The following PTPRS variants were observed in gnomAD, a reference collection of about 807,000 sequenced individuals.
The protein encoded by PTPRS is receptor-type tyrosine-protein phosphatase S.
A neutral mutation model predicts 215.3 loss-of-function variants in PTPRS; 63 were observed. The ratio of observed to expected loss-of-function variants is 0.29; its 90% CI spans 0.24 to 0.36. The LOEUF is 0.36. Among genes scored for constraint, PTPRS ranks in the 10% least tolerant of loss-of-function variants. The pLI is 1.00. For synonymous variants in PTPRS, 1,404 were observed against 1,191.4 expected (o/e 1.18, Z -3.68); for missense variants, 2,258 against 2,825.8 (o/e 0.80, Z 4.56).
chr19:5,270,775 G>C (rs1599840714), intron 4 of PTPRS, among the ~76,000 whole-genome samples: 2 of 152,248 alleles, frequency 1.3e-5, no homozygotes, highest in East Asian at 3.9e-4. Flanking sequence ...GAATCCGGGA[G>C]CTAGGATGAC....
At chr19:5,220,979 G>T in intron 20 of PTPRS, 21 bp downstream of exon 20, 2 of 1,584,974 alleles carry the variant, frequency 1.3e-6, no homozygotes, top group Middle Eastern at 1.7e-4. Context: ...CAAGGAACCC[G>T]GAGCATGGGG....
chr19:5,239,104 AGAGAGAGAGAGACAGAAACAAAGGG>A, intron 12 of PTPRS, 41 bp from the exon 13 acceptor site: 3 of 1,436,744 alleles, frequency 2.1e-6, no homozygotes, highest in Admixed American at 1.9e-5. Flanking sequence ...GATGGGGGAG[AGAGAGAGAGAGACAGAAACAAAGGG>A]GAGAGAGAGA....
intron 9 of PTPRS, among the ~76,000 whole-genome samples, chr19:5,253,541 C>T (rs910113154): frequency 5.3e-5 from 8 of 152,134 alleles, no homozygotes; most frequent in Admixed American, 2.6e-4. Context: ...GGCCACAGAA[C>T]TTCCTAGGAA....
intron 11 of PTPRS, among the ~76,000 whole-genome samples, chr19:5,242,966 A>G (rs2044169465): frequency 6.6e-6 from 1 of 151,952 alleles, no homozygotes; most frequent in African/African-American, 2.4e-5. Flanking sequence ...GATTACAGAC[A>G]TGAGCCACTA....
intron 1 of PTPRS, among the ~76,000 whole-genome samples, chr19:5,328,170 G>A (rs928660551): frequency 6.6e-6 from 1 of 152,030 alleles, no homozygotes; most frequent in Non-Finnish European, 1.5e-5. Context: ...AGGCTGGAGT[G>A]CAATGGCACA....
chr19:5,271,859 G>A (rs1211851090), intron 4 of PTPRS, among the ~76,000 whole-genome samples: 2 of 151,656 alleles, frequency 1.3e-5, no homozygotes, highest in East Asian at 3.9e-4. Context: ...TGAGCAGCTG[G>A]GATTACAGGT....
Position 5,223,057 on chromosome 19 carries a change from C to T in PTPRS, c.2735G>A (p.Gly912Asp). ...GACCTCGGCTGCCTCCTCGCCCAGG[C>T]CGCCGCGGCTCCGGGCCGCAAGCCG... ...VFRLAARSRG[G>D]LGEEAAEVLS... Residue 912 changes from glycine (G) to aspartate (D), a missense_variant, in exon 18 of 38, where the codon GGC becomes GAC. Coordinates refer to ENST00000262963, the MANE Select transcript of PTPRS (RefSeq NM_002850.4). 1 of 1,550,776 alleles carries T rather than the reference C, an allele frequency of 6.4e-7. No homozygotes were observed. Among genetic ancestry groups the T allele is most frequent in the Non-Finnish European group, 8.7e-7 (1 of 1,148,656 alleles).
In PTPRS at chr19:5,257,181, G is replaced by T. The variant is rs531535365; in HGVS notation, c.706+836C>A. On this transcript the variant is annotated intron_variant, in intron 8 of 37. Coordinates refer to ENST00000262963, the MANE Select transcript of PTPRS (RefSeq NM_002850.4). The surrounding 1 kb of genome is among the most constrained non-coding windows in gnomAD (Gnocchi z 4.4). ...GCCAACGGAGGCATCTGGGGGCAAGGGAGCCCCCTGGCACCTTTGAGGCAG... is the reference window on the plus strand; with the variant it reads ...GCCAACGGAGGCATCTGGGGGCAAGTGAGCCCCCTGGCACCTTTGAGGCAG... 1.3e-5 allele frequency among the ~76,000 whole-genome samples: 2 copies of T among 151,008 alleles called. No individual in the cohort carries two copies. The highest frequency in any genetic ancestry group is 3.0e-5 in the Non-Finnish European group (2 of 67,748).
intron 11 of PTPRS, among the ~76,000 whole-genome samples, chr19:5,240,779 C>T (rs1186857303): frequency 6.6e-6 from 1 of 150,766 alleles, no homozygotes; most frequent in South Asian, 2.1e-4. Flanking sequence ...GCGGAGCTTG[C>T]AGTCAGCGGA....
At chr19:5,268,832 CAGA>C (rs1442894424) in intron 4 of PTPRS, among the ~76,000 whole-genome samples, 4 of 152,210 alleles carry the variant, frequency 2.6e-5, no homozygotes, top group African/African-American at 9.6e-5. Flanking sequence ...TGGCTGAGCT[CAGA>C]AGAAGCTGAG....
chr19:5,285,200 G>T (rs1034665503), intron 2 of PTPRS, among the ~76,000 whole-genome samples: 1 of 152,166 alleles, frequency 6.6e-6, no homozygotes, highest in African/African-American at 2.4e-5. Flanking sequence ...CACTAGCCCG[G>T]GGTTGTGCAG....
intron 1 of PTPRS, among the ~76,000 whole-genome samples, chr19:5,310,050 C>T (rs749530850): frequency 1.6e-4 from 24 of 152,102 alleles, no homozygotes; most frequent in Non-Finnish European, 2.4e-4. Flanking sequence ...CCCTGCTCTC[C>T]CCTCCCCTCC....
chr19:5,294,648 G>C lies in PTPRS; in HGVS notation c.-94-8414C>G, dbSNP rs946478601. On this transcript the variant is annotated intron_variant, in intron 1 of 37. Transcript: ENST00000262963. The surrounding 1 kb of genome is among the most constrained non-coding windows in gnomAD (Gnocchi z 5.1). ...CTGGCTCCCATCTCCTTCAAACATC[G>C]AATAAATGCCTCCCTCACTGGGGGA... is the stretch of plus-strand genomic sequence containing the variant. 1 of 152,096 alleles carries C rather than the reference G, an allele frequency of 6.6e-6. No homozygotes were observed. Among genetic ancestry groups the C allele is most frequent in the Admixed American group, 6.5e-5 (1 of 15,268 alleles). The allele number at this position is 152,096 out of a possible 1,614,324, so 9.4% of individuals were successfully genotyped here. A position where few individuals can be genotyped will look rare whatever the true frequency, so the allele number is the denominator to read the frequency against.
chr19:5,211,989 G>A lies in PTPRS; in HGVS notation c.5031C>T (p.Val1677=), dbSNP rs762962610. The A allele has an allele frequency of 1.9e-6, 3 of 1,610,232 alleles. No individual in the cohort carries two copies. The highest frequency in any genetic ancestry group is 2.5e-6 in the Non-Finnish European group (3 of 1,178,814). ...KLAQVEPGEH[V]TGMELEFKRL... Reference sequence around the variant, plus strand: ...CCTTGAACTCGAGTTCCATGCCAGTGACGTGTTCGCCAGGCTCCACCTGGG... The same window carrying A: ...CCTTGAACTCGAGTTCCATGCCAGTAACGTGTTCGCCAGGCTCCACCTGGG... Residue 1677 remains valine, a synonymous_variant, in exon 32 of 38, where the codon GTC becomes GTT. Coordinates refer to ENST00000262963, the MANE Select transcript of PTPRS (RefSeq NM_002850.4).
At chr19:5,276,515 G>A (rs547702898) in intron 2 of PTPRS, among the ~76,000 whole-genome samples, 41 of 147,478 alleles carry the variant, frequency 2.8e-4, no homozygotes, top group Non-Finnish European at 4.9e-4. Flanking sequence ...GAGCCACTGC[G>A]CCTGGCCTGG....
rs189318583 is a variant in PTPRS at position 5,267,635 on chromosome 19, C to T, written c.380-2439G>A. Among the ~76,000 whole-genome samples, 931 of 145,434 alleles carry T rather than the reference C, an allele frequency of 6.4e-3. 11 individuals carry two copies. The highest frequency in any genetic ancestry group is 0.022 in the African/African-American group (852 of 38,474). On this transcript the variant is annotated intron_variant, in intron 4 of 37. Coordinates refer to ENST00000262963, the MANE Select transcript of PTPRS (RefSeq NM_002850.4). ...TCATGCTACTGCACTCCAGCCTGGGCGACAGAGCAAGACTGTCTCAAAAAA... is the reference window on the plus strand; with the variant it reads ...TCATGCTACTGCACTCCAGCCTGGGTGACAGAGCAAGACTGTCTCAAAAAA...
chr19:5,249,671 G>A (rs2044819405), intron 9 of PTPRS, among the ~76,000 whole-genome samples: 1 of 152,164 alleles, frequency 6.6e-6, no homozygotes, highest in African/African-American at 2.4e-5. Context: ...GAGGAAAAAA[G>A]TACCCATCAC....
At position 5,267,518 on chromosome 19, in the gene PTPRS, A is replaced by G. The variant is rs540074077; in HGVS notation, c.380-2322T>C. 4.6e-4 allele frequency among the ~76,000 whole-genome samples: 70 copies of G among 152,014 alleles called. 2 individuals are homozygous for G. The highest frequency in any genetic ancestry group is 2.9e-3 in the South Asian group (14 of 4,812). On this transcript the variant is annotated intron_variant, in intron 4 of 37. Transcript: ENST00000262963. ...CTAAAAATACAGAAATTAGCCAGGC[A>G]TGGTGGCGGACGCCTGTAATCCCAG...
rs573533414 is a variant in PTPRS, at chr19:5,306,487, G to A, written c.-94-20253C>T. On this transcript the variant is annotated intron_variant, in intron 1 of 37. Transcript: ENST00000262963. ...TGTATGTGAAAATGATATTCTGTTC[G>A]AATCATGGCTGTTCCTCACATGACT... 1.5e-3 allele frequency among the ~76,000 whole-genome samples: 227 copies of A among 151,968 alleles called. 1 individual carries two copies. The highest frequency in any genetic ancestry group is 1.8e-3 in the Non-Finnish European group (119 of 67,966).
Sources: gnomAD v4.1 joint callset for allele counts (sites outside exome capture counted in the v4.1 genomes callset) on GRCh38, gnomAD v4.1.1 for gene constraint, Gnocchi (gnomAD v3.1) non-coding constraint, MANE v1.5 for transcripts, NCBI Gene and HGNC (gene_info 2026-07-23, HGNC 2026-07-21) for gene names.